The following TSPEAR variants were observed in gnomAD, a reference collection of about 807,000 sequenced individuals.
The protein encoded by TSPEAR is thrombospondin type laminin G domain and EAR repeats.
In TSPEAR, 69 loss-of-function variants were observed where a neutral mutation model predicts 71.6. The observed-to-expected ratio is 0.96, with a 90% confidence interval of 0.79 to 1.18. The LOEUF (loss-of-function observed/expected upper bound fraction) is 1.18. TSPEAR is among the 50% of genes most tolerant of loss of function. The probability of loss-of-function intolerance (pLI) is 0.00; values close to 1 mark genes in which losing one functional copy is unlikely to be tolerated. For missense variants in TSPEAR, 971 were observed against 894.9 expected (o/e 1.09, Z -1.09); for synonymous variants, 402 against 387.2 (o/e 1.04, Z -0.45).
intron 3 of TSPEAR, among the ~76,000 whole-genome samples, chr21:44,531,579 G>A (rs782388910): frequency 6.6e-6 from 1 of 150,376 alleles, no homozygotes; most frequent in African/African-American, 2.4e-5. Flanking sequence ...ATGAATTCGG[G>A]GGGGGCACTT....
intron 1 of TSPEAR, chr21:44,591,870 T>G (rs233305): frequency 6.7e-7 from 1 of 1,483,770 alleles, no homozygotes; most frequent in African/African-American, 1.8e-5. Context: ...AGCATGAGGG[T>G]GTGCAGGAGC....
At chr21:44,543,595 A>G (rs2053256035) in intron 2 of TSPEAR, among the ~76,000 whole-genome samples, 1 of 152,248 alleles carries the variant, frequency 6.6e-6, no homozygotes, top group African/African-American at 2.4e-5. Flanking sequence ...AGTGAACCTT[A>G]AATCCAATGT....
chr21:44,678,894 G>T (rs2082569209), intron 1 of TSPEAR, among the ~76,000 whole-genome samples: 1 of 152,132 alleles, frequency 6.6e-6, no homozygotes, highest in African/African-American at 2.4e-5. Flanking sequence ...CTCCATCTTG[G>T]ATGCTAATCT....
intron 1 of TSPEAR, among the ~76,000 whole-genome samples, chr21:44,708,543 C>T (rs1988056490): frequency 6.6e-6 from 1 of 152,186 alleles, no homozygotes; most frequent in Admixed American, 6.5e-5. Context: ...CCAGCAGCCT[C>T]CACACCCCAG....
rs781863150 is a variant in TSPEAR at position 44,646,489 on chromosome 21, A to G, written c.82+64944T>C. 5 of 1,609,202 alleles carry G rather than the reference A, an allele frequency of 3.1e-6. No individual in the cohort carries two copies. The South Asian group carries it at 5.5e-5, about 18-fold the overall frequency. On this transcript the variant is annotated intron_variant, in intron 1 of 11. Coordinates refer to ENST00000323084, the MANE Select transcript of TSPEAR (RefSeq NM_144991.3). ...CGCGTCCACCATGTCTGTCTGCTCC[A>G]GCGCTTACTCCGACTCCTGGCAGGT...
At chr21:44,549,115 G>A (rs112369351) in intron 2 of TSPEAR, among the ~76,000 whole-genome samples, 4,302 of 152,234 alleles carry the variant, frequency 0.028, 204 homozygotes, top group African/African-American at 0.097. Context: ...AACTGGCTGG[G>A]GTCGGACCAC....
At chr21:44,570,917 AGGCG>A (rs2053785103) in intron 1 of TSPEAR, among the ~76,000 whole-genome samples, 1 of 152,246 alleles carries the variant, frequency 6.6e-6, no homozygotes, top group Non-Finnish European at 1.5e-5. Flanking sequence ...ATTCCTTGAT[AGGCG>A]CAAATACCAG....
chr21:44,535,809 G>A lies in TSPEAR; in HGVS notation c.304-1886C>T, dbSNP rs782646568. ...TCAAACTCCTGACCTCAGGTGATCC[G>A]CCCGCTTCGGCCTCCCAAAGTGCTG... On this transcript the variant is annotated intron_variant, in intron 2 of 11. Transcript: ENST00000323084. Among the ~76,000 whole-genome samples, 15 of 150,992 alleles carry A rather than the reference G, an allele frequency of 9.9e-5. 1 individual carries two copies. The highest frequency in any genetic ancestry group is 1.9e-4 in the East Asian group (1 of 5,156).
rs782318621 is a variant in TSPEAR, at chr21:44,522,082, T to C, written c.1367A>G (p.Tyr456Cys). The C allele has an allele frequency of 1.2e-6, 2 of 1,613,852 alleles. No homozygotes were observed. Among genetic ancestry groups the C allele is most frequent in the Non-Finnish European group, 1.7e-6 (2 of 1,179,972 alleles). The change falls in exon 9 of 12, where the codon TAC (tyrosine) becomes TGC (cysteine). Residue 456 changes from tyrosine to cysteine, a missense_variant. Physicochemically the swap from Tyr to Cys is radical, Grantham distance 194 (BLOSUM62 -2). Transcript: ENST00000323084. ...GAGCCGGGTTGCCGGGTTCCACTTG[T>C]AGATGACACTGTCGATGTTGTGGTT... ...GDNHNIDSVI[Y>C]KWNPATRLFE...
At chr21:44,578,620 G>T (rs1225924411) in intron 1 of TSPEAR, among the ~76,000 whole-genome samples, 1 of 152,318 alleles carries the variant, frequency 6.6e-6, no homozygotes, top group East Asian at 1.9e-4. Flanking sequence ...AGACTCCTGG[G>T]ATGAGAGGGG....
At position 44,579,450 on chromosome 21, in the gene TSPEAR, G is replaced by A; in HGVS notation, c.83-11445C>T. The A allele has an allele frequency of 1.4e-5, 7 of 509,298 alleles. 1 individual carries two copies. In the South Asian group the frequency reaches 1.9e-4, roughly 14 times the overall value. 31.5% of individuals were successfully genotyped at this position (509,298 alleles called of 1,614,324 possible). On this transcript the variant is annotated intron_variant, in intron 1 of 11. Coordinates refer to ENST00000323084, the MANE Select transcript of TSPEAR (RefSeq NM_144991.3). ...TATCCCCAGGAGCACTACAGAAAAA[G>A]AGAATCAGGCGACCAAGGGGAGTTT...
chr21:44,694,030 A>G (rs1555950095), intron 1 of TSPEAR, among the ~76,000 whole-genome samples: 1 of 152,226 alleles, frequency 6.6e-6, no homozygotes, highest in Non-Finnish European at 1.5e-5. Flanking sequence ...GTACTAACAT[A>G]AGGATAGACA....
At chr21:44,588,841 G>C (rs782374917) in intron 1 of TSPEAR, among the ~76,000 whole-genome samples, 1 of 151,036 alleles carries the variant, frequency 6.6e-6, no homozygotes, top group African/African-American at 2.4e-5. Flanking sequence ...TGAATTAATG[G>C]CATTCACAGA....
intron 1 of TSPEAR, chr21:44,600,556 A>T: frequency 6.5e-7 from 1 of 1,543,122 alleles, no homozygotes. Context: ...CACCTAACAC[A>T]CGGACTCACT....
At chr21:44,658,827 C>T (rs1343698403) in intron 1 of TSPEAR, among the ~76,000 whole-genome samples, 2 of 152,046 alleles carry the variant, frequency 1.3e-5, no homozygotes, top group Non-Finnish European at 2.9e-5. Context: ...ATAAAGACCA[C>T]CAGAGAAGAA....
intron 1 of TSPEAR, among the ~76,000 whole-genome samples, chr21:44,653,143 C>T (rs909553851): frequency 1.1e-4 from 16 of 151,978 alleles, no homozygotes; most frequent in African/African-American, 3.4e-4. Flanking sequence ...GGTGACAGAG[C>T]GAGACTCCAT....
intron 1 of TSPEAR, among the ~76,000 whole-genome samples, chr21:44,581,082 A>C (rs1235628697): frequency 1.3e-5 from 2 of 152,192 alleles, no homozygotes; most frequent in African/African-American, 4.8e-5. Context: ...GGTACGATGA[A>C]GCTAAGTGGC....
At chr21:44,523,793 T>TAGTC (rs61723663) in intron 8 of TSPEAR, among the ~76,000 whole-genome samples, 86 of 150,468 alleles carry the variant, frequency 5.7e-4, no homozygotes, top group East Asian at 8.1e-4. Context: ...GTCAGTGAGG[T>TAGTC]AGTCAGTCAG....
intron 7 of TSPEAR, 86 bp downstream of exon 7, chr21:44,527,205 TG>T (rs1423921389): frequency 2.3e-6 from 3 of 1,304,470 alleles, no homozygotes; most frequent in Non-Finnish European, 3.3e-6. Flanking sequence ...CTCCTTTACC[TG>T]CAGAATCAGT....
Sources: allele counts gnomAD v4.1 joint callset (sites outside exome capture counted in the v4.1 genomes callset), GRCh38; gene constraint gnomAD v4.1.1; transcripts MANE v1.5; gene names NCBI Gene and HGNC (gene_info 2026-07-23, HGNC 2026-07-21).